The following ST6GAL1 variants were observed in gnomAD, a reference collection of about 807,000 sequenced individuals.
ST6GAL1 encodes the protein beta-galactoside alpha-2,6-sialyltransferase 1.
ST6GAL1 carries 20 observed loss-of-function variants against 38.0 expected under a neutral mutation model. The observed-to-expected ratio is 0.53, with a 90% confidence interval of 0.37 to 0.77. ST6GAL1 has a LOEUF of 0.77. Among genes scored for constraint, ST6GAL1 ranks in the 30% least tolerant of loss-of-function variants. The probability of loss-of-function intolerance (pLI) is 0.00; values close to 1 mark genes in which losing one functional copy is unlikely to be tolerated. For missense variants in ST6GAL1, 432 were observed against 496.4 expected (o/e 0.87, Z 1.23); for synonymous variants, 196 against 188.2 (o/e 1.04, Z -0.34).
At chr3:187,073,625 G>C (rs531762561) in intron 6 of ST6GAL1, 119 of 153,716 alleles carry the variant, frequency 7.7e-4, no homozygotes, top group Non-Finnish European at 1.1e-3. Flanking sequence ...CATGGCCTGA[G>C]AAGGGCAGAG....
At position 186,983,557 on chromosome 3, in the gene ST6GAL1, G is replaced by A. The variant is rs1191166594; in HGVS notation, c.-183+19631G>A. Among the ~76,000 whole-genome samples, 4 of 151,936 alleles carry A rather than the reference G, an allele frequency of 2.6e-5. 1 individual carries two copies. Among genetic ancestry groups the A allele is most frequent in the African/African-American group, 9.7e-5 (4 of 41,358 alleles). On this transcript the variant is annotated intron_variant, in intron 2 of 7. Transcript: ENST00000169298. Reference sequence around the variant, plus strand: ...AGGGTGAGGGATGAGTTGAATATGAGGTGAGAAAAAAGGGAAGTTGAAGAT... The same window carrying A: ...AGGGTGAGGGATGAGTTGAATATGAAGTGAGAAAAAAGGGAAGTTGAAGAT...
At chr3:187,062,728 G>A (rs1017894308) in intron 5 of ST6GAL1, among the ~76,000 whole-genome samples, 2 of 152,134 alleles carry the variant, frequency 1.3e-5, no homozygotes, top group Non-Finnish European at 2.9e-5. Flanking sequence ...ATGGTTTGTG[G>A]TGATAGTTGC....
intron 1 of ST6GAL1, among the ~76,000 whole-genome samples, chr3:186,957,429 T>G (rs1714783583): frequency 6.6e-6 from 1 of 151,846 alleles, no homozygotes; most frequent in South Asian, 2.1e-4. Flanking sequence ...GGCAACAGAG[T>G]GGGACCCTGT....
intron 2 of ST6GAL1, among the ~76,000 whole-genome samples, chr3:187,034,070 AAT>A (rs1444278835): frequency 6.6e-6 from 1 of 152,106 alleles, no homozygotes; most frequent in African/African-American, 2.4e-5. Flanking sequence ...AGAAATGACA[AAT>A]ATGACATTAC....
chr3:187,023,358 C>T (rs1221459298), intron 2 of ST6GAL1, among the ~76,000 whole-genome samples: 1 of 152,190 alleles, frequency 6.6e-6, no homozygotes, highest in East Asian at 1.9e-4. Flanking sequence ...TATTTATCCT[C>T]ACTATAAGGT....
chr3:186,960,279 C>G (rs1359275781), intron 1 of ST6GAL1, among the ~76,000 whole-genome samples: 2 of 152,088 alleles, frequency 1.3e-5, no homozygotes, highest in African/African-American at 4.8e-5. Flanking sequence ...GGTCTAAGGG[C>G]AGAGGAGAAA....
intron 2 of ST6GAL1, among the ~76,000 whole-genome samples, chr3:187,007,162 G>T (rs1716810754): frequency 6.6e-6 from 1 of 152,188 alleles, no homozygotes; most frequent in Non-Finnish European, 1.5e-5. Context: ...TGGATTTGCA[G>T]AACAGTGTGG....
At chr3:187,021,431 A>G (rs556988564) in intron 2 of ST6GAL1, among the ~76,000 whole-genome samples, 28 of 152,082 alleles carry the variant, frequency 1.8e-4, no homozygotes, top group Admixed American at 1.4e-3. Context: ...TTCTGGCCTG[A>G]CTGTGGGCCT....
intron 2 of ST6GAL1, among the ~76,000 whole-genome samples, chr3:186,998,883 C>A (rs1171904766): frequency 1.3e-5 from 2 of 152,104 alleles, no homozygotes; most frequent in African/African-American, 4.8e-5. Flanking sequence ...TCATATAGTT[C>A]AATAATCACG....
At chr3:186,946,275 T>C (rs1183611277) in intron 1 of ST6GAL1, among the ~76,000 whole-genome samples, 2 of 151,860 alleles carry the variant, frequency 1.3e-5, no homozygotes, top group African/African-American at 2.4e-5. Context: ...GTCGTGCCAC[T>C]CTAGCCTGGG....
At chr3:186,939,699 T>C (rs1211954646) in intron 1 of ST6GAL1, among the ~76,000 whole-genome samples, 1 of 152,180 alleles carries the variant, frequency 6.6e-6, no homozygotes, top group Non-Finnish European at 1.5e-5. Context: ...GACTGCCACC[T>C]GCAGCCTCAC....
chr3:187,071,776 C>CAAAAAAAAAAAAAA (rs11330261), intron 5 of ST6GAL1, among the ~76,000 whole-genome samples: 2 of 72,316 alleles, frequency 2.8e-5, no homozygotes, highest in Admixed American at 1.7e-4. Flanking sequence ...GACTCCGCCT[C>CAAAAAAAAAAAAAA]AAAAAAAAAA....
chr3:187,074,963 G>C (rs112901860), intron 7 of ST6GAL1, among the ~76,000 whole-genome samples: 4,903 of 152,206 alleles, frequency 0.032, 281 homozygotes, highest in African/African-American at 0.11. Context: ...GAGTTTATTG[G>C]AACAATGCTG....
At chr3:186,990,357 T>C (rs1716118163) in intron 2 of ST6GAL1, among the ~76,000 whole-genome samples, 2 of 152,216 alleles carry the variant, frequency 1.3e-5, no homozygotes, top group Admixed American at 1.3e-4. Context: ...CTCTATCTAT[T>C]GAATGCAGGT....
In ST6GAL1 at chr3:186,941,235, C is replaced by T. The variant is rs561031167; in HGVS notation, c.-325+10401C>T. On this transcript the variant is annotated intron_variant, in intron 1 of 7. Transcript: ENST00000169298. ...GAACAGGACCTCGTGGGAGAACTGG[C>T]ACTTAAGTGGTAGGGAGGGAGGAGA... 1.6e-3 allele frequency among the ~76,000 whole-genome samples: 241 copies of T among 152,232 alleles called. 2 individuals carry two copies. Among genetic ancestry groups the T allele is most frequent in the Non-Finnish European group, 2.9e-3 (195 of 67,996 alleles).
intron 1 of ST6GAL1, among the ~76,000 whole-genome samples, chr3:186,948,094 C>T (rs1211598049): frequency 1.3e-5 from 2 of 152,150 alleles, no homozygotes; most frequent in African/African-American, 2.4e-5. Context: ...AGAATCCGCT[C>T]TTGCCTGCCT....
At chr3:186,966,371 A>T (rs1715116855) in intron 2 of ST6GAL1, among the ~76,000 whole-genome samples, 1 of 152,228 alleles carries the variant, frequency 6.6e-6, no homozygotes. Flanking sequence ...CATGTCACGG[A>T]TGTGGAAATT....
At chr3:187,005,080 T>C (rs186839626) in intron 2 of ST6GAL1, among the ~76,000 whole-genome samples, 3 of 152,072 alleles carry the variant, frequency 2.0e-5, no homozygotes, top group Non-Finnish European at 4.4e-5. Flanking sequence ...TAGGTCTTTC[T>C]TTTTTAAGGT....
intron 2 of ST6GAL1, among the ~76,000 whole-genome samples, chr3:186,966,508 G>C (rs1327860004): frequency 6.6e-6 from 1 of 152,180 alleles, no homozygotes; most frequent in Non-Finnish European, 1.5e-5. Context: ...GCAAGCACTT[G>C]CCCACGTGGT....
Sources: allele counts gnomAD v4.1 joint callset (sites outside exome capture counted in the v4.1 genomes callset), GRCh38; gene constraint gnomAD v4.1.1; transcripts MANE v1.5; gene names NCBI Gene and HGNC (gene_info 2026-07-23, HGNC 2026-07-21).